Variants in KATNBL1 observed in about 807,000 individuals in gnomAD.
KATNBL1 encodes the protein KATNB1-like protein 1.
A neutral mutation model predicts 44.7 loss-of-function variants in KATNBL1; 28 were observed. The ratio of observed to expected loss-of-function variants is 0.63; its 90% CI spans 0.46 to 0.86. KATNBL1 has a LOEUF of 0.86. KATNBL1 is among the 40% of genes least tolerant of loss of function. The pLI is 0.00. For synonymous variants in KATNBL1, 78 were observed against 114.9 expected, an observed-to-expected ratio of 0.68 and a Z score of 2.06; for missense variants, 272 against 350.7, an observed-to-expected ratio of 0.78 and a Z score of 1.79.
chr15:34,189,514 T>C (rs1889814783), intron 1 of KATNBL1, among the ~76,000 whole-genome samples: 1 of 152,260 alleles, frequency 6.6e-6, no homozygotes, highest in Non-Finnish European at 1.5e-5. Context: ...CTTGCAATTT[T>C]GCTTTCGGAA....
intron 3 of KATNBL1, among the ~76,000 whole-genome samples, 193 bp downstream of exon 3, chr15:34,154,451 G>A (rs1888576040): frequency 6.6e-6 from 1 of 152,110 alleles, no homozygotes; most frequent in South Asian, 2.1e-4. Context: ...TATAGAGTAG[G>A]CTATAGAGTA....
Position 34,142,225 on chromosome 15 carries a change from T to C in KATNBL1, c.*114A>G, listed in dbSNP as rs1888170045. ...TTACGTGGCTTTTTAAAAGAAAAAA[T>C]AGTTTTGATTTCTTCCACAGTTCAC... On this transcript the variant is annotated 3_prime_UTR_variant, in exon 10 of 10. Coordinates refer to ENST00000256544, the MANE Select transcript of KATNBL1 (RefSeq NM_024713.3). 2 of 1,082,784 alleles carry C rather than the reference T, an allele frequency of 1.8e-6. No homozygotes were observed. The highest frequency in any genetic ancestry group is 2.9e-5 in the East Asian group (1 of 34,542). 67.1% of individuals were successfully genotyped at this position (1,082,784 alleles called of 1,614,324 possible). A position where few individuals can be genotyped will look rare whatever the true frequency, so the allele number is the denominator to read the frequency against.
chr15:34,175,789 C>T (rs573470118), intron 1 of KATNBL1, among the ~76,000 whole-genome samples: 123 of 152,210 alleles, frequency 8.1e-4, no homozygotes, highest in African/African-American at 1.9e-3. Flanking sequence ...TACTTGAACC[C>T]GGGAGGCGGA....
intron 1 of KATNBL1, among the ~76,000 whole-genome samples, chr15:34,202,387 G>A (rs890574360): frequency 4.6e-5 from 7 of 152,046 alleles, no homozygotes; most frequent in African/African-American, 1.5e-4. Context: ...TGGAAAAAAG[G>A]GTAGATCATC....
At chr15:34,171,751 C>A (rs1278707154) in intron 1 of KATNBL1, among the ~76,000 whole-genome samples, 2 of 152,100 alleles carry the variant, frequency 1.3e-5, no homozygotes, top group East Asian at 3.8e-4. Context: ...GAATACTACG[C>A]AGCCATAAAA....
At chr15:34,207,409 C>T (rs1890323719) in intron 1 of KATNBL1, among the ~76,000 whole-genome samples, 1 of 152,052 alleles carries the variant, frequency 6.6e-6, no homozygotes, top group Admixed American at 6.5e-5. Context: ...AGGGTTTCAT[C>T]GTGTTAGCCA....
rs1315438031 is a variant in KATNBL1, at chr15:34,142,362, C to A, written c.892G>T (p.Ala298Ser). 6.3e-7 allele frequency: 1 copy of A among 1,587,542 alleles called. No individual in the cohort carries two copies. Among genetic ancestry groups the A allele is most frequent in the South Asian group, 1.1e-5 (1 of 87,488 alleles). ...TCTCAATGTAACTGTAATAAATAAG[C>A]ATCTACATCCTTAGAAGATAAAACA... ...YTGNIAKDVD[A>S]YLLQLH The change falls in exon 10 of 10, where the codon GCT becomes TCT. Residue 298 changes from alanine to serine, a missense_variant. This residue lies in a region of KATNBL1 where 39 missense variants were observed against 76.3 expected (regional missense o/e 0.51). Coordinates refer to ENST00000256544, the MANE Select transcript of KATNBL1 (RefSeq NM_024713.3).
At chr15:34,201,059 C>T (rs1175699379) in intron 1 of KATNBL1, among the ~76,000 whole-genome samples, 6 of 152,148 alleles carry the variant, frequency 3.9e-5, no homozygotes. Flanking sequence ...TCGTGATCTG[C>T]CCTCCTCGGC....
intron 3 of KATNBL1, among the ~76,000 whole-genome samples, chr15:34,154,211 G>T (rs1888568761): frequency 6.6e-6 from 1 of 152,132 alleles, no homozygotes; most frequent in African/African-American, 2.4e-5. Flanking sequence ...TCTTAGTATT[G>T]CTATGGAAGT....
At chr15:34,157,619 C>T (rs1280668632) in intron 2 of KATNBL1, among the ~76,000 whole-genome samples, 1 of 152,214 alleles carries the variant, frequency 6.6e-6, no homozygotes, top group African/African-American at 2.4e-5. Flanking sequence ...GAGCAACTTA[C>T]ACAACATTTC....
chr15:34,168,849 T>A (rs541407719), intron 1 of KATNBL1, among the ~76,000 whole-genome samples: 10 of 152,172 alleles, frequency 6.6e-5, no homozygotes, highest in African/African-American at 1.9e-4. Flanking sequence ...ACTGGGTAAA[T>A]AATGAAAGAA....
intron 1 of KATNBL1, chr15:34,209,333 T>C (rs1890371752): frequency 6.6e-6 from 1 of 152,202 alleles, no homozygotes; most frequent in Non-Finnish European, 1.5e-5. Context: ...CAAGGAACTT[T>C]ATAAGCCACA....
In KATNBL1 at chr15:34,152,886, T is replaced by C; in HGVS notation, c.342A>G (p.Leu114=). The C allele has an allele frequency of 6.2e-7, 1 of 1,614,030 alleles. No individual in the cohort carries two copies. The highest frequency in any genetic ancestry group is 1.1e-5 in the South Asian group (1 of 91,078). ...CCAAATATGTTCGACTATCATGGTG[T>C]AATTTTTCAGGCAGGTGGCCTGCAC... The part of the protein sequence containing the change: ...LACAGHLPEK[L]HHDSRTYLVN... Residue 114 remains leucine (L), a synonymous_variant, in exon 4 of 10, where the codon TTA becomes TTG. Coordinates refer to ENST00000256544, the MANE Select transcript of KATNBL1 (RefSeq NM_024713.3).
rs949001988 is a variant in KATNBL1, at chr15:34,154,871, A to C, written c.118-187T>G. 4.1e-5 allele frequency: 24 copies of C among 588,318 alleles called. No homozygotes were observed. The Admixed American group carries it at 4.8e-4, about 12-fold the overall frequency. 36.4% of individuals were successfully genotyped at this position (588,318 alleles called of 1,614,324 possible). On this transcript the variant is annotated intron_variant, in intron 2 of 9. Transcript: ENST00000256544. ...GAGAAGGGGTTCTTATCCCTAATGCAGCTAGTCCCTACTACTGTGTCATTC... is the reference window on the plus strand; with the variant it reads ...GAGAAGGGGTTCTTATCCCTAATGCCGCTAGTCCCTACTACTGTGTCATTC...
intron 5 of KATNBL1, 115 bp from the exon 6 acceptor site, chr15:34,147,545 C>T (rs1211201873): frequency 4.6e-6 from 3 of 645,592 alleles, no homozygotes; most frequent in Non-Finnish European, 7.7e-6. Flanking sequence ...ATGTCAGTAT[C>T]TACAATGAGT....
At chr15:34,145,637 G>A in intron 8 of KATNBL1, 146 bp from the exon 9 acceptor site, 1 of 698,422 alleles carries the variant, frequency 1.4e-6, no homozygotes. Flanking sequence ...AAACATTTGG[G>A]AACGTGGAGA....
chr15:34,155,088 AG>A, intron 2 of KATNBL1, among the ~76,000 whole-genome samples: 1 of 152,304 alleles, frequency 6.6e-6, no homozygotes, highest in Non-Finnish European at 1.5e-5. Context: ...AAAGGCTAGA[AG>A]GGGGTTGTTT....
At chr15:34,154,840 T>C (rs1324621607) in intron 2 of KATNBL1, 156 bp from the exon 3 acceptor site, 6 of 618,616 alleles carry the variant, frequency 9.7e-6, no homozygotes, top group African/African-American at 3.7e-5. Context: ...ATACCGGGCA[T>C]GGGAGGAGAA....
intron 1 of KATNBL1, among the ~76,000 whole-genome samples, chr15:34,179,833 G>A (rs534993731): frequency 2.0e-5 from 3 of 152,214 alleles, no homozygotes; most frequent in African/African-American, 7.2e-5. Flanking sequence ...CAACAAACAC[G>A]AATTATTTTT....
Sources: allele counts gnomAD v4.1 joint callset (sites outside exome capture counted in the v4.1 genomes callset), GRCh38; gene constraint gnomAD v4.1.1; regional missense constraint gnomAD v4.1.1; transcripts MANE v1.5; gene names NCBI Gene and HGNC (gene_info 2026-07-23, HGNC 2026-07-21).